Variants in WWOX observed in about 807,000 individuals in gnomAD.
The protein encoded by WWOX is WW domain-containing oxidoreductase.
In WWOX, 69 loss-of-function variants were observed where a neutral mutation model predicts 46.2. The observed-to-expected ratio is 1.49, with a 90% CI of 1.23 to 1.82. The LOEUF (loss-of-function observed/expected upper bound fraction) is 1.82. WWOX is among the 40% of genes most tolerant of loss of function. The probability of loss-of-function intolerance (pLI) is 0.00; values close to 1 mark genes in which losing one functional copy is unlikely to be tolerated. For missense variants in WWOX, 919 were observed against 542.6 expected, an observed-to-expected ratio of 1.69 and a Z score of -6.89; for synonymous variants, 359 against 202.6, an observed-to-expected ratio of 1.77 and a Z score of -6.56.
intron 6 of WWOX, among the ~76,000 whole-genome samples, chr16:78,401,621 T>G (rs981761810): frequency 6.6e-6 from 1 of 152,170 alleles, no homozygotes; most frequent in Non-Finnish European, 1.5e-5. Context: ...ACTTAACGCA[T>G]TTTGAGAATG....
chr16:78,293,067 T>TC (rs1399860099), intron 5 of WWOX, among the ~76,000 whole-genome samples: 1 of 152,180 alleles, frequency 6.6e-6, no homozygotes, highest in African/African-American at 2.4e-5. Flanking sequence ...CTCCAAGGTA[T>TC]CTGAGCCTTT....
At chr16:79,044,193 A>G (rs1232038903) in intron 8 of WWOX, among the ~76,000 whole-genome samples, 1 of 152,202 alleles carries the variant, frequency 6.6e-6, no homozygotes, top group African/African-American at 2.4e-5. Context: ...TCAGGCCCAC[A>G]GTGTAGGCAT....
chr16:78,955,689 T>A (rs1394661072), intron 8 of WWOX, among the ~76,000 whole-genome samples: 1 of 152,056 alleles, frequency 6.6e-6, no homozygotes, highest in Non-Finnish European at 1.5e-5. Context: ...CTTGCTCTAT[T>A]GCCCAGGCTG....
chr16:79,173,905 CT>C (rs1414314354), intron 8 of WWOX, among the ~76,000 whole-genome samples: 1 of 152,100 alleles, frequency 6.6e-6, no homozygotes, highest in Non-Finnish European at 1.5e-5. Flanking sequence ...TACATAGATA[CT>C]TTTTTTCACT....
At chr16:78,793,945 T>G (rs547514966) in intron 8 of WWOX, among the ~76,000 whole-genome samples, 2 of 151,790 alleles carry the variant, frequency 1.3e-5, no homozygotes, top group Non-Finnish European at 2.9e-5. Flanking sequence ...TAGAAGAGGA[T>G]GTAGGGCAGG....
In WWOX at chr16:79,103,057, GC is replaced by G. The variant is rs1413944848; in HGVS notation, c.1057-108550del. On this transcript the variant is annotated intron_variant, in intron 8 of 8. Transcript: ENST00000566780. ...TGTTTCCATTTGCTTCTTGCTTTGGGCAAGTTCTCACCATAACCCTCTGGCA... is the reference window on the plus strand; with the variant it reads ...TGTTTCCATTTGCTTCTTGCTTTGGGAAGTTCTCACCATAACCCTCTGGCA... 2.6e-5 allele frequency among the ~76,000 whole-genome samples: 4 copies of G among 151,376 alleles called. No individual in the cohort carries two copies. In the South Asian group the frequency reaches 8.4e-4, roughly 32 times the overall value.
At chr16:78,792,921 C>T (rs568788591) in intron 8 of WWOX, among the ~76,000 whole-genome samples, 8 of 152,266 alleles carry the variant, frequency 5.3e-5, no homozygotes, top group Non-Finnish European at 8.8e-5. Context: ...AGGAAAGACG[C>T]AGACCCAAAC....
chr16:78,745,445 T>A (rs1048535031), intron 8 of WWOX, among the ~76,000 whole-genome samples: 1 of 152,002 alleles, frequency 6.6e-6, no homozygotes, highest in Admixed American at 6.6e-5. Context: ...TCCCTCAACA[T>A]TGACCTAGGT....
At chr16:78,661,001 A>G (rs1392614136) in intron 8 of WWOX, among the ~76,000 whole-genome samples, 2 of 152,152 alleles carry the variant, frequency 1.3e-5, no homozygotes, top group Non-Finnish European at 1.5e-5. Context: ...TTGAAGTTAG[A>G]TCCATGTCTT....
intron 8 of WWOX, among the ~76,000 whole-genome samples, chr16:78,680,358 A>G (rs8050527): frequency 1.3e-5 from 2 of 151,986 alleles, no homozygotes; most frequent in African/African-American, 4.8e-5. Flanking sequence ...AGCCTGAACG[A>G]CGTAAAAAGA....
At chr16:78,755,078 T>G (rs1401601633) in intron 8 of WWOX, among the ~76,000 whole-genome samples, 2 of 150,754 alleles carry the variant, frequency 1.3e-5, no homozygotes, top group African/African-American at 2.4e-5. Flanking sequence ...GGGAGAGCAT[T>G]AGGACACATA....
intron 5 of WWOX, among the ~76,000 whole-genome samples, chr16:78,385,134 A>AACACACACACAGACAC (rs2082034157): frequency 7.0e-6 from 1 of 143,050 alleles, no homozygotes; most frequent in Admixed American, 6.8e-5. Context: ...ACTCCATCTA[A>AACACACACACAGACAC]ACACACACAC....
intron 8 of WWOX, among the ~76,000 whole-genome samples, chr16:79,169,444 C>G (rs376004609): frequency 2.0e-5 from 3 of 152,318 alleles, no homozygotes; most frequent in East Asian, 3.9e-4. Flanking sequence ...TGCAGAGGGT[C>G]TCACTGAGCA....
intron 5 of WWOX, among the ~76,000 whole-genome samples, chr16:78,173,015 A>G (rs2035212660): frequency 6.6e-6 from 1 of 152,184 alleles, no homozygotes; most frequent in Admixed American, 6.5e-5. Context: ...AACAGAGGAG[A>G]AACGGTCCTT....
At position 78,461,537 on chromosome 16, in the gene WWOX, G is replaced by T. The variant is rs191929952; in HGVS notation, c.1056+28785G>T. 4.5e-3 allele frequency among the ~76,000 whole-genome samples: 678 copies of T among 152,258 alleles called. 5 individuals are homozygous for T. The highest frequency in any genetic ancestry group is 0.015 in the African/African-American group (634 of 41,554). ...AAAGGCAAGTCAAACAGATCCTTTC[G>T]CAAGGATCCCCATGTGTGTATGTCT... On this transcript the variant is annotated intron_variant, in intron 8 of 8. Transcript: ENST00000566780.
At chr16:78,512,656 A>T (rs983203836) in intron 8 of WWOX, among the ~76,000 whole-genome samples, 16 of 152,202 alleles carry the variant, frequency 1.1e-4, no homozygotes, top group Non-Finnish European at 1.8e-4. Flanking sequence ...TCTGGGTGGG[A>T]CTTCAATGAG....
At chr16:78,293,955 C>T (rs1342239315) in intron 5 of WWOX, among the ~76,000 whole-genome samples, 3 of 114,202 alleles carry the variant, frequency 2.6e-5, no homozygotes, top group East Asian at 2.8e-4. Flanking sequence ...CTAGCCTGGG[C>T]GACAGAGTGA....
chr16:78,105,092 G>A (rs527958495), intron 1 of WWOX, among the ~76,000 whole-genome samples: 4 of 152,224 alleles, frequency 2.6e-5, no homozygotes, highest in African/African-American at 7.2e-5. Context: ...GATGCTTTCT[G>A]TTGCCACAGC....
At chr16:78,702,102 A>T (rs1213510673) in intron 8 of WWOX, among the ~76,000 whole-genome samples, 30 of 58,428 alleles carry the variant, frequency 5.1e-4, no homozygotes, top group Middle Eastern at 0.01. Flanking sequence ...CTATAAAGTT[A>T]TATATATATA....
Sources: allele counts gnomAD v4.1 joint callset (sites outside exome capture counted in the v4.1 genomes callset), GRCh38; gene constraint gnomAD v4.1.1; transcripts MANE v1.5; gene names NCBI Gene and HGNC (gene_info 2026-07-23, HGNC 2026-07-21).